Variants in MCOLN1 observed in about 807,000 individuals in gnomAD.
The protein encoded by MCOLN1 is mucolipin-1.
Under a neutral mutation model 70.3 loss-of-function variants are expected in MCOLN1, and 50 were observed. The ratio of observed to expected loss-of-function variants is 0.71; its 90% confidence interval spans 0.57 to 0.90. The LOEUF (loss-of-function observed/expected upper bound fraction) is 0.90. Ranked by LOEUF, MCOLN1 falls within the 40% of genes least tolerant of loss-of-function variation. The pLI is 0.00. For missense variants in MCOLN1, 598 were observed against 803.5 expected (o/e 0.74, Z 3.09); for synonymous variants, 366 against 341.0 (o/e 1.07, Z -0.81).
At position 7,527,503 on chromosome 19, in the gene MCOLN1, T is replaced by C. The variant is rs2022588609; in HGVS notation, c.572-17T>C. The C allele has an allele frequency of 2.4e-6, 3 of 1,233,660 alleles. No individual in the cohort carries two copies. Among genetic ancestry groups the C allele is most frequent in the Middle Eastern group, 1.9e-4 (1 of 5,360 alleles). 76.4% of individuals were successfully genotyped at this position (1,233,660 alleles called of 1,614,324 possible). A position where few individuals can be genotyped will look rare whatever the true frequency, so the allele number is the denominator to read the frequency against. ...TCCCCGGCCCCCTGAGGCCCTTCCC[T>C]GACTCCCTGTCCTTAGACTGCATCC... On this transcript the variant is annotated splice_polypyrimidine_tract_variant and intron_variant, in intron 4 of 13. Transcript: ENST00000264079.
rs1173214368 is a variant in MCOLN1 at position 7,530,149 on chromosome 19, C to T, written c.1360-137C>T. 25 of 805,434 alleles carry T rather than the reference C, an allele frequency of 3.1e-5. No individual in the cohort carries two copies. The South Asian group carries it at 3.2e-4, about 10-fold the overall frequency. 49.9% of individuals were successfully genotyped at this position (805,434 alleles called of 1,614,324 possible). ...GGAACCCGACCATTCACATGGTGAC[C>T]GCAGCCCGGGACCCGGCCATTCATG... On this transcript the variant is annotated intron_variant, in intron 11 of 13. Transcript: ENST00000264079.
rs773784197 is a variant in MCOLN1, at chr19:7,529,108, C to T, written c.1142C>T (p.Ala381Val). The change falls in exon 10 of 14, where the codon GCG becomes GTG. Residue 381 changes from alanine (A) to valine (V), a missense_variant. Around this residue, in one of 3 missense-constraint regions of MCOLN1, gnomAD observed 461 missense variants for 588.4 expected, o/e 0.78. Coordinates refer to ENST00000264079, the MANE Select transcript of MCOLN1 (RefSeq NM_020533.3). The part of the protein sequence containing the change: ...MKIGIEAKNL[A>V]SYDVCSILLG... ...CGCAGCTCCCACCCGCAGAACTTGG[C>T]GAGCTACGACGTCTGCAGCATCCTC... 6 of 1,613,862 alleles carry T rather than the reference C, an allele frequency of 3.7e-6. No individual in the cohort carries two copies. The highest frequency in any genetic ancestry group is 1.1e-5 in the South Asian group (1 of 91,088).
chr19:7,525,094 G>T lies in MCOLN1; in HGVS notation c.165G>T (p.Lys55Asn). 1 of 1,614,166 alleles carries T rather than the reference G, an allele frequency of 6.2e-7. No homozygotes were observed. The highest frequency in any genetic ancestry group is 2.2e-5 in the East Asian group (1 of 44,888). ...ACTTTTTCATGAGTCCCTGCGACAA[G>T]TTTCGAGCCAAGGGCCGCAAGCCCT... is the stretch of plus-strand genomic sequence containing the variant. ...LKYFFMSPCD[K>N]FRAKGRKPCK... Residue 55 changes from lysine to asparagine, a missense_variant, in exon 2 of 14, where the codon AAG becomes AAT. By Grantham distance (94) the Lys-to-Asn change is moderately conservative (BLOSUM62 0). This residue lies in a region of MCOLN1 where 461 missense variants were observed against 588.4 expected (regional missense o/e 0.78). Coordinates refer to ENST00000264079, the MANE Select transcript of MCOLN1 (RefSeq NM_020533.3). The surrounding 1 kb of genome is among the most constrained non-coding windows in gnomAD (Gnocchi z 4.2).
Position 7,526,498 on chromosome 19 carries a change from C to T in MCOLN1, c.297C>T (p.Ile99=), listed in dbSNP as rs904906326. The change falls in exon 3 of 14, where the codon ATC becomes ATT. Residue 99 remains isoleucine (I), a synonymous_variant. Coordinates refer to ENST00000264079, the MANE Select transcript of MCOLN1 (RefSeq NM_020533.3). The surrounding 1 kb of genome is among the most constrained non-coding windows in gnomAD (Gnocchi z 4.6). Reference sequence around the variant, plus strand: ...TGACATTCCGGGAAGAGAACACCATCGCCTTCCGACACCTCTTCCTGCTGG... The same window carrying T: ...TGACATTCCGGGAAGAGAACACCATTGCCTTCCGACACCTCTTCCTGCTGG... ...LAVTFREENT[I]AFRHLFLLGY... is the part of the protein sequence containing the mutation. 9.3e-6 allele frequency: 15 copies of T among 1,614,112 alleles called. No homozygotes were observed. Among genetic ancestry groups the T allele is most frequent in the African/African-American group, 2.7e-5 (2 of 74,940 alleles).
In MCOLN1 at chr19:7,530,270, G is replaced by A. The variant is rs367955829; in HGVS notation, c.1360-16G>A. On this transcript the variant is annotated splice_polypyrimidine_tract_variant and intron_variant, in intron 11 of 13. Coordinates refer to ENST00000264079, the MANE Select transcript of MCOLN1 (RefSeq NM_020533.3). ...CCATGCCTTGGCTCCCTCTGACCCC[G>A]CCGCCCCTCTGGCAGTTCCGCTCAC... The A allele has an allele frequency of 3.4e-5, 54 of 1,608,528 alleles. No individual in the cohort carries two copies. The African/African-American group carries it at 4.8e-4, about 14-fold the overall frequency.
At chr19:7,523,478 C>T (rs1220027646) in intron 1 of MCOLN1, among the ~76,000 whole-genome samples, 2 of 152,240 alleles carry the variant, frequency 1.3e-5, no homozygotes, top group Non-Finnish European at 2.9e-5. Flanking sequence ...CTGGCTTTGT[C>T]GTAAACAGCC....
chr19:7,528,398 C>A lies in MCOLN1; in HGVS notation c.877+141C>A. On this transcript the variant is annotated intron_variant, in intron 7 of 13. Coordinates refer to ENST00000264079, the MANE Select transcript of MCOLN1 (RefSeq NM_020533.3). This position sits in a 1 kb window ranked among gnomAD's most constrained non-coding sequence, Gnocchi z 4.2. ...CCTCAGATCAGCACAGACCAGGGACCCCGTCCTGTGCTGAGATCCCCCAAG... is the reference window on the plus strand; with the variant it reads ...CCTCAGATCAGCACAGACCAGGGACACCGTCCTGTGCTGAGATCCCCCAAG... The A allele has an allele frequency of 1.0e-6, 1 of 998,512 alleles. No homozygotes were observed. Among genetic ancestry groups the A allele is most frequent in the Non-Finnish European group, 1.5e-6 (1 of 654,556 alleles). The allele number at this position is 998,512 out of a possible 1,614,324, so 61.9% of individuals were successfully genotyped here. A position where few individuals can be genotyped will look rare whatever the true frequency, so the allele number is the denominator to read the frequency against.
chr19:7,528,347 C>A lies in MCOLN1; in HGVS notation c.877+90C>A. On this transcript the variant is annotated intron_variant, in intron 7 of 13. Transcript: ENST00000264079. This position sits in a 1 kb window ranked among gnomAD's most constrained non-coding sequence, Gnocchi z 4.2. Reference sequence around the variant, plus strand: ...CCCCAGATCAGCGCTGCCTGGGGGCCGTGACCTCCCCAGGAATCCGCTGAG... The same window carrying A: ...CCCCAGATCAGCGCTGCCTGGGGGCAGTGACCTCCCCAGGAATCCGCTGAG... 1 of 1,263,004 alleles carries A rather than the reference C, an allele frequency of 7.9e-7. No individual in the cohort carries two copies. Among genetic ancestry groups the A allele is most frequent in the Non-Finnish European group, 1.1e-6 (1 of 873,274 alleles). 78.2% of individuals were successfully genotyped at this position (1,263,004 alleles called of 1,614,324 possible). A position where few individuals can be genotyped will look rare whatever the true frequency, so the allele number is the denominator to read the frequency against.
At position 7,533,990 on chromosome 19, in the gene MCOLN1, A is replaced by C; in HGVS notation, c.*195A>C. On this transcript the variant is annotated 3_prime_UTR_variant, in exon 14 of 14. Transcript: ENST00000264079. Reference sequence around the variant, plus strand: ...GGGTGTTGAATAAAAGGGAAAATAAATGTGTCGTTTTCATTTTTAGCGGGA... The same window carrying C: ...GGGTGTTGAATAAAAGGGAAAATAACTGTGTCGTTTTCATTTTTAGCGGGA... The C allele has an allele frequency of 1.5e-6, 1 of 666,256 alleles. No homozygotes were observed. Among genetic ancestry groups the C allele is most frequent in the Non-Finnish European group, 2.6e-6 (1 of 378,542 alleles). The allele number at this position is 666,256 out of a possible 1,614,324, so 41.3% of individuals were successfully genotyped here.
At position 7,526,257 on chromosome 19, in the gene MCOLN1, TTAATC is replaced by T; in HGVS notation, c.238-181_238-177del. On this transcript the variant is annotated intron_variant, in intron 2 of 13. Transcript: ENST00000264079. This position sits in a 1 kb window ranked among gnomAD's most constrained non-coding sequence, Gnocchi z 4.6. Reference sequence around the variant, plus strand: ...GCTTATGCCAGGAGGTGGGGTGAAATTAATCAAAGCAAAGAAATGCACAAGTGAAA... The same window carrying T: ...GCTTATGCCAGGAGGTGGGGTGAAATAAAGCAAAGAAATGCACAAGTGAAA... 1 of 731,246 alleles carries T rather than the reference TTAATC, an allele frequency of 1.4e-6. No homozygotes were observed. Among genetic ancestry groups the T allele is most frequent in the Non-Finnish European group, 2.4e-6 (1 of 418,940 alleles). 45.3% of individuals were successfully genotyped at this position (731,246 alleles called of 1,614,324 possible).
rs766960172 is a variant in MCOLN1, at chr19:7,525,110, C to T, written c.181C>T (p.Arg61Cys). Residue 61 changes from arginine (R) to cysteine (C), a missense_variant, in exon 2 of 14, where the codon CGC (arginine) becomes TGC (cysteine). Physicochemically the swap from Arg to Cys is radical, Grantham distance 180 (BLOSUM62 -3). Around this residue, in one of 3 missense-constraint regions of MCOLN1, gnomAD observed 461 missense variants for 588.4 expected, o/e 0.78. Transcript: ENST00000264079. This position sits in a 1 kb window ranked among gnomAD's most constrained non-coding sequence, Gnocchi z 4.2. ...SPCDKFRAKG[R>C]KPCKLMLQVV... Reference sequence around the variant, plus strand: ...CTGCGACAAGTTTCGAGCCAAGGGCCGCAAGCCCTGCAAGCTGATGCTGCA... The same window carrying T: ...CTGCGACAAGTTTCGAGCCAAGGGCTGCAAGCCCTGCAAGCTGATGCTGCA... 3.1e-6 allele frequency: 5 copies of T among 1,614,168 alleles called. No individual in the cohort carries two copies. Among genetic ancestry groups the T allele is most frequent in the Admixed American group, 1.7e-5 (1 of 60,012 alleles).
intron 4 of MCOLN1, chr19:7,527,312 G>T: frequency 1.1e-5 from 6 of 542,122 alleles, no homozygotes; most frequent in East Asian, 6.7e-5. Context: ...TGCTTAGTGT[G>T]AGTGTGACTC....
In MCOLN1 at chr19:7,528,051, G is replaced by T. The variant is rs539688771; in HGVS notation, c.777+91G>T. On this transcript the variant is annotated intron_variant, in intron 6 of 13. Transcript: ENST00000264079. This position sits in a 1 kb window ranked among gnomAD's most constrained non-coding sequence, Gnocchi z 4.2. Reference sequence around the variant, plus strand: ...TTGGGAGCACTGGCCAAGGGCAAGCGTGCGGGTGATGAGGGAGGGAGCCCG... The same window carrying T: ...TTGGGAGCACTGGCCAAGGGCAAGCTTGCGGGTGATGAGGGAGGGAGCCCG... 2 of 1,523,826 alleles carry T rather than the reference G, an allele frequency of 1.3e-6. No homozygotes were observed. The highest frequency in any genetic ancestry group is 1.7e-4 in the Middle Eastern group (1 of 5,900). The allele number at this position is 1,523,826 out of a possible 1,614,324, so 94.4% of individuals were successfully genotyped here.
At position 7,524,980 on chromosome 19, in the gene MCOLN1, C is replaced by T. The variant is rs1334031081; in HGVS notation, c.51C>T (p.Thr17=). ...PRGSETERLL[T]PNPGYGTQAG... ...CCACAGAGACCGAGCGGCTTCTGAC[C>T]CCCAACCCCGGGTATGGGACCCAGG... Residue 17 remains threonine, a synonymous_variant, in exon 2 of 14, where the codon ACC becomes ACT. Coordinates refer to ENST00000264079, the MANE Select transcript of MCOLN1 (RefSeq NM_020533.3). This position sits in a 1 kb window ranked among gnomAD's most constrained non-coding sequence, Gnocchi z 4.1. The T allele has an allele frequency of 1.2e-6, 2 of 1,613,680 alleles. No homozygotes were observed. The highest frequency in any genetic ancestry group is 2.2e-5 in the East Asian group (1 of 44,902).
chr19:7,527,343 G>A (rs1051292461), intron 4 of MCOLN1, among the ~76,000 whole-genome samples, 177 bp from the exon 5 acceptor site: 12 of 150,370 alleles, frequency 8.0e-5, no homozygotes, highest in Non-Finnish European at 1.6e-4. Context: ...GAAAGCACCA[G>A]ATGTTATATT....
chr19:7,527,488 C>G lies in MCOLN1; in HGVS notation c.572-32C>G, dbSNP rs199879376. 1.3e-4 allele frequency: 126 copies of G among 940,750 alleles called. No homozygotes were observed. In the East Asian group the frequency reaches 3.0e-3, roughly 22 times the overall value. The allele number at this position is 940,750 out of a possible 1,614,324, so 58.3% of individuals were successfully genotyped here. On this transcript the variant is annotated intron_variant, in intron 4 of 13. Coordinates refer to ENST00000264079, the MANE Select transcript of MCOLN1 (RefSeq NM_020533.3). ...GAGACCAGCCTGGCCTCCCCGGCCC[C>G]CTGAGGCCCTTCCCTGACTCCCTGT... is the stretch of plus-strand genomic sequence containing the variant.
At position 7,524,069 on chromosome 19, in the gene MCOLN1, G is replaced by C. The variant is rs2022533542; in HGVS notation, c.32-892G>C. Among the ~76,000 whole-genome samples the C allele has an allele frequency of 1.3e-5, 2 of 151,970 alleles. No homozygotes were observed. The highest frequency in any genetic ancestry group is 2.9e-5 in the Non-Finnish European group (2 of 68,004). On this transcript the variant is annotated intron_variant, in intron 1 of 13. Coordinates refer to ENST00000264079, the MANE Select transcript of MCOLN1 (RefSeq NM_020533.3). This position sits in a 1 kb window ranked among gnomAD's most constrained non-coding sequence, Gnocchi z 4.1. ...TTTTTGTAGACAGGGAGGTCTCGCT[G>C]TATTACCTAGGCTGGATCCTCCCAC...
In MCOLN1 at chr19:7,522,688, G is replaced by A. The variant is rs2022510918; in HGVS notation, c.-63G>A. 13 of 1,424,886 alleles carry A rather than the reference G, an allele frequency of 9.1e-6. No individual in the cohort carries two copies. The highest frequency in any genetic ancestry group is 1.5e-5 in the African/African-American group (1 of 67,390). 88.3% of individuals were successfully genotyped at this position (1,424,886 alleles called of 1,614,324 possible). ...GAGGGAGCGAGGTCGCAGTGACAGC[G>A]GCGGGCGATCGGACCCAGGCTGCCC... On this transcript the variant is annotated 5_prime_UTR_variant, in exon 1 of 14. Coordinates refer to ENST00000264079, the MANE Select transcript of MCOLN1 (RefSeq NM_020533.3).
chr19:7,527,038 G>A, intron 4 of MCOLN1, 112 bp downstream of exon 4: 2 of 1,403,684 alleles, frequency 1.4e-6, no homozygotes, highest in Non-Finnish European at 2.0e-6. Flanking sequence ...ACTTTGGGAG[G>A]CTGAGGAGGA....
Sources: allele counts gnomAD v4.1 joint callset (sites outside exome capture counted in the v4.1 genomes callset), GRCh38; gene constraint gnomAD v4.1.1; regional missense constraint gnomAD v4.1.1; non-coding constraint Gnocchi (gnomAD v3.1); transcripts MANE v1.5; gene names NCBI Gene and HGNC (gene_info 2026-07-23, HGNC 2026-07-21).